MLLT1: variants seen among roughly 807,000 people sequenced by gnomAD.
The protein encoded by MLLT1 is MLLT1 super elongation complex subunit.
MLLT1 carries 11 observed loss-of-function variants against 55.1 expected under a neutral mutation model. The observed-to-expected ratio is 0.20, with a 90% CI of 0.13 to 0.33. MLLT1 has a LOEUF of 0.33. Among genes scored for constraint, MLLT1 ranks in the 10% least tolerant of loss-of-function variants. The pLI, the probability that MLLT1 is intolerant of heterozygous loss-of-function variation, is 1.00. For missense variants in MLLT1, 536 were observed against 760.6 expected (o/e 0.70, Z 3.47); for synonymous variants, 323 against 320.1 (o/e 1.01, Z -0.10).
At chr19:6,251,777 A>C (rs1004287806) in intron 3 of MLLT1, among the ~76,000 whole-genome samples, 2 of 152,122 alleles carry the variant, frequency 1.3e-5, no homozygotes, top group African/African-American at 4.8e-5. Context: ...ACCAAAAAAA[A>C]AAAAAGAAAG....
intron 2 of MLLT1, among the ~76,000 whole-genome samples, chr19:6,265,862 C>T (rs2091344797): frequency 1.3e-5 from 2 of 151,496 alleles, no homozygotes; most frequent in South Asian, 2.1e-4. Flanking sequence ...GCTTGTAGTC[C>T]TAGCTACTCA....
chr19:6,233,829 G>A (rs1286468679), intron 3 of MLLT1, among the ~76,000 whole-genome samples: 1 of 152,206 alleles, frequency 6.6e-6, no homozygotes, highest in Non-Finnish European at 1.5e-5. Context: ...CTTCCCCTAC[G>A]CAGCTTTCCT....
In MLLT1 at chr19:6,226,515, C is replaced by T. The variant is rs771411439; in HGVS notation, c.546+462G>A. Among the ~76,000 whole-genome samples, 6 of 152,176 alleles carry T rather than the reference C, an allele frequency of 3.9e-5. No individual in the cohort carries two copies. The highest frequency in any genetic ancestry group is 6.5e-5 in the Admixed American group (1 of 15,292). ...CCTGGCTTCCCCTGCCCTTCCCCCA[C>T]GAAACTCTGCAGTGAGCCATAGCCC... On this transcript the variant is annotated intron_variant, in intron 5 of 11. Coordinates refer to ENST00000252674, the MANE Select transcript of MLLT1 (RefSeq NM_005934.4). This position sits in a 1 kb window ranked among gnomAD's most constrained non-coding sequence, Gnocchi z 6.3.
Position 6,228,743 on chromosome 19 carries a change from C to A in MLLT1, c.421-1641G>T, listed in dbSNP as rs545351382. Among the ~76,000 whole-genome samples the A allele has an allele frequency of 5.9e-5, 9 of 152,288 alleles. No individual in the cohort carries two copies. The South Asian group carries it at 1.9e-3, about 32-fold the overall frequency. On this transcript the variant is annotated intron_variant, in intron 4 of 11. Transcript: ENST00000252674. ...CCGAGAGGAGCCCCTGCCACCGAGG[C>A]CTCCGGCTGCTCCTAAGGCTGAGAG...
chr19:6,211,879 G>T lies in MLLT1; in HGVS notation c.*1163C>A. On this transcript the variant is annotated 3_prime_UTR_variant, in exon 12 of 12. Coordinates refer to ENST00000252674, the MANE Select transcript of MLLT1 (RefSeq NM_005934.4). This position sits in a 1 kb window ranked among gnomAD's most constrained non-coding sequence, Gnocchi z 4.6. Reference sequence around the variant, plus strand: ...GGGGCTGCGGGCGCGGCACCAGCATGAATTGCGGCGGTGGAGGCCGGGGCG... The same window carrying T: ...GGGGCTGCGGGCGCGGCACCAGCATTAATTGCGGCGGTGGAGGCCGGGGCG... The T allele has an allele frequency of 9.4e-7, 1 of 1,064,710 alleles. No individual in the cohort carries two copies. Among genetic ancestry groups the T allele is most frequent in the Non-Finnish European group, 1.1e-6 (1 of 878,684 alleles). The allele number at this position is 1,064,710 out of a possible 1,614,324, so 66.0% of individuals were successfully genotyped here. A position where few individuals can be genotyped will look rare whatever the true frequency, so the allele number is the denominator to read the frequency against.
Position 6,278,703 on chromosome 19 carries a change from G to C in MLLT1, c.12+1070C>G, listed in dbSNP as rs372115160. ...CCTAAATCAGGATCCCAGGGGCGGA[G>C]AGGGCCCAAGCTGAGGGGAACAGCA... On this transcript the variant is annotated intron_variant, in intron 1 of 11. Transcript: ENST00000252674. 4.6e-5 allele frequency among the ~76,000 whole-genome samples: 7 copies of C among 152,240 alleles called. No individual in the cohort carries two copies. The East Asian group carries it at 5.8e-4, about 13-fold the overall frequency.
chr19:6,271,430 C>A (rs181284942), intron 1 of MLLT1, among the ~76,000 whole-genome samples: 30 of 152,308 alleles, frequency 2.0e-4, no homozygotes, highest in African/African-American at 5.8e-4. Flanking sequence ...AAGGCAGAGG[C>A]CAGCCTGCGG....
intron 8 of MLLT1, among the ~76,000 whole-genome samples, chr19:6,214,255 T>C (rs1323788681): frequency 1.3e-5 from 2 of 152,004 alleles, no homozygotes; most frequent in African/African-American, 4.8e-5. Context: ...CAGAGGCCCT[T>C]TGGGGGCCGC....
intron 3 of MLLT1, among the ~76,000 whole-genome samples, chr19:6,239,710 A>G (rs913381713): frequency 1.3e-5 from 2 of 151,886 alleles, no homozygotes; most frequent in African/African-American, 4.8e-5. Context: ...ACCCGTGTAC[A>G]CACACACCCC....
chr19:6,270,878 A>C lies in MLLT1; in HGVS notation c.13-119T>G. The C allele has an allele frequency of 1.1e-6, 1 of 949,278 alleles. No individual in the cohort carries two copies. Among genetic ancestry groups the C allele is most frequent in the Non-Finnish European group, 1.5e-6 (1 of 655,070 alleles). The allele number at this position is 949,278 out of a possible 1,614,324, so 58.8% of individuals were successfully genotyped here. On this transcript the variant is annotated intron_variant, in intron 1 of 11. Transcript: ENST00000252674. This position sits in a 1 kb window ranked among gnomAD's most constrained non-coding sequence, Gnocchi z 7.1. ...CAGCAGTGCAATACGCTCTCAACCC[A>C]GTGAGCAGCACACAGACGGCTTCCT...
chr19:6,241,693 C>T (rs1233093286), intron 3 of MLLT1, among the ~76,000 whole-genome samples: 3 of 152,210 alleles, frequency 2.0e-5, no homozygotes, highest in Non-Finnish European at 2.9e-5. Context: ...CTTCTCTGCC[C>T]GGCTCCAGAC....
rs919844245 is a variant in MLLT1, at chr19:6,229,088, G to C, written c.420+1482C>G. Among the ~76,000 whole-genome samples the C allele has an allele frequency of 1.2e-4, 18 of 152,320 alleles. No homozygotes were observed. Among genetic ancestry groups the C allele is most frequent in the African/African-American group, 4.3e-4 (18 of 41,580 alleles). ...CCTGGCTGCAGCCCAGAGCGGCCCA[G>C]GGAACGCCACTTCCCACAGCCACGC... On this transcript the variant is annotated intron_variant, in intron 4 of 11. Coordinates refer to ENST00000252674, the MANE Select transcript of MLLT1 (RefSeq NM_005934.4). The surrounding 1 kb of genome is among the most constrained non-coding windows in gnomAD (Gnocchi z 5.2).
intron 1 of MLLT1, among the ~76,000 whole-genome samples, chr19:6,274,995 C>T (rs1445042887): frequency 2.0e-5 from 3 of 152,250 alleles, no homozygotes; most frequent in South Asian, 2.1e-4. Context: ...CTCAACGCAG[C>T]GTGCGGTTCT....
intron 2 of MLLT1, among the ~76,000 whole-genome samples, chr19:6,265,844 T>TG (rs1461737259): frequency 6.6e-6 from 1 of 150,914 alleles, no homozygotes; most frequent in Admixed American, 6.6e-5. Flanking sequence ...CCAAGGGTGG[T>TG]GGTGGGGGCT....
At chr19:6,217,844 C>T (rs2090859955) in intron 7 of MLLT1, 110 bp downstream of exon 7, 2 of 1,456,748 alleles carry the variant, frequency 1.4e-6, no homozygotes, top group South Asian at 1.4e-5. Flanking sequence ...ATGTACAGAT[C>T]TGCAGGGCCC....
intron 8 of MLLT1, among the ~76,000 whole-genome samples, chr19:6,216,135 C>T (rs994183478): frequency 6.6e-6 from 1 of 152,174 alleles, no homozygotes; most frequent in Non-Finnish European, 1.5e-5. Flanking sequence ...CCCACACCTG[C>T]CAGTGACCAC....
intron 1 of MLLT1, among the ~76,000 whole-genome samples, chr19:6,275,104 T>C (rs1243504831): frequency 6.6e-6 from 1 of 152,206 alleles, no homozygotes; most frequent in South Asian, 2.1e-4. Flanking sequence ...TGTACCCCAC[T>C]TCCTGCAAGC....
chr19:6,213,987 G>A lies in MLLT1; in HGVS notation c.1359C>T (p.Pro453=). ...ESDNSADSSL[P]SREPPPPQKP... ...TCTGGGGGGGTGGGGGCTCACGGCT[G>A]GGCAGGGAGGAGTCGGCGCTGTTGT... The change falls in exon 9 of 12, where the codon CCC becomes CCT. Residue 453 remains proline (P), a synonymous_variant. Transcript: ENST00000252674. 1 of 1,461,452 alleles carries A rather than the reference G, an allele frequency of 6.8e-7. No individual in the cohort carries two copies. The highest frequency in any genetic ancestry group is 9.0e-7 in the Non-Finnish European group (1 of 1,108,366). 90.5% of individuals were successfully genotyped at this position (1,461,452 alleles called of 1,614,324 possible).
At position 6,213,319 on chromosome 19, in the gene MLLT1, C is replaced by A. The variant is rs760707777; in HGVS notation, c.1551+18G>T. On this transcript the variant is annotated intron_variant, in intron 11 of 11. Transcript: ENST00000252674. ...GCACCCCGACCTCTGCCGGGCAGGACCCTCAGGGGGGCGATACCTGCTGCA... is the reference window on the plus strand; with the variant it reads ...GCACCCCGACCTCTGCCGGGCAGGAACCTCAGGGGGGCGATACCTGCTGCA... The A allele has an allele frequency of 4.3e-6, 7 of 1,612,268 alleles. No individual in the cohort carries two copies. In the South Asian group the frequency reaches 5.5e-5, roughly 13 times the overall value.
Sources: gnomAD v4.1 joint callset for allele counts (sites outside exome capture counted in the v4.1 genomes callset) on GRCh38, gnomAD v4.1.1 for gene constraint, Gnocchi (gnomAD v3.1) non-coding constraint, MANE v1.5 for transcripts, NCBI Gene and HGNC (gene_info 2026-07-23, HGNC 2026-07-21) for gene names.